Variants in SPOCK1 observed in about 807,000 individuals in gnomAD.
SPOCK1 encodes the protein SPARC (osteonectin), cwcv and kazal like domains proteoglycan 1.
A neutral mutation model predicts 55.3 loss-of-function variants in SPOCK1; 23 were observed. That is an observed-to-expected ratio of 0.42 (90% CI 0.30 to 0.59). The LOEUF is 0.59. SPOCK1 is among the 20% of genes least tolerant of loss of function. The pLI, the probability that SPOCK1 is intolerant of heterozygous loss-of-function variation, is 0.22. For synonymous variants in SPOCK1, 226 were observed against 221.0 expected, an observed-to-expected ratio of 1.02 and a Z score of -0.20; for missense variants, 499 against 552.5, an observed-to-expected ratio of 0.90 and a Z score of 0.97.
chr5:137,497,395 A>C (rs1033972496), intron 2 of SPOCK1, among the ~76,000 whole-genome samples: 4 of 152,242 alleles, frequency 2.6e-5, no homozygotes, highest in Non-Finnish European at 5.9e-5. Flanking sequence ...TGCCTTGGGC[A>C]CTTTTACAAT....
At chr5:137,016,186 A>G (rs972809170) in intron 6 of SPOCK1, among the ~76,000 whole-genome samples, 1 of 152,188 alleles carries the variant, frequency 6.6e-6, no homozygotes, top group Admixed American at 6.5e-5. Context: ...CTACCTCTGG[A>G]CCTTTACAAA....
intron 3 of SPOCK1, among the ~76,000 whole-genome samples, chr5:137,235,412 G>T (rs1756159197): frequency 2.0e-5 from 3 of 152,184 alleles, no homozygotes; most frequent in Admixed American, 2.0e-4. Flanking sequence ...TAAAATAACT[G>T]CACGCAAAAC....
rs1030970329 is a variant in SPOCK1, at chr5:137,067,948, C to T, written c.475-119G>A. On this transcript the variant is annotated intron_variant, in intron 5 of 10. Transcript: ENST00000394945. ...AAGCAAAGACAAAGCAGGGAGAGGTCGACCTCAGGTAGAGGTCTCAATTAC... is the reference window on the plus strand; with the variant it reads ...AAGCAAAGACAAAGCAGGGAGAGGTTGACCTCAGGTAGAGGTCTCAATTAC... 1.2e-5 allele frequency: 9 copies of T among 742,910 alleles called. No individual in the cohort carries two copies. In the South Asian group the frequency reaches 1.3e-4, roughly 11 times the overall value. The allele number at this position is 742,910 out of a possible 1,614,324, so 46.0% of individuals were successfully genotyped here.
chr5:136,994,877 T>G (rs1186707711), intron 6 of SPOCK1, among the ~76,000 whole-genome samples: 2 of 151,922 alleles, frequency 1.3e-5, no homozygotes, highest in African/African-American at 4.8e-5. Flanking sequence ...TGGTGGTGCA[T>G]GCCTGTGATC....
At chr5:137,371,597 G>T (rs1001923967) in intron 2 of SPOCK1, among the ~76,000 whole-genome samples, 1 of 152,262 alleles carries the variant, frequency 6.6e-6, no homozygotes, top group Admixed American at 6.5e-5. Context: ...GAGCCAAGGG[G>T]ATGAGGATTA....
rs760774302 is a variant in SPOCK1, at chr5:137,067,761, G to A, written c.543C>T (p.Pro181=). 10 of 1,614,142 alleles carry A rather than the reference G, an allele frequency of 6.2e-6. No individual in the cohort carries two copies. The East Asian group carries it at 2.0e-4, about 32-fold the overall frequency. The stretch of plus-strand genomic sequence containing the variant: ...TTGGTGGCTCAGGCTCTGGGAGACA[G>A]GGACAGGGCCCATCACAGAGGGTGG... The part of the protein sequence containing the change: ...SLATLCDGPC[P]CLPEPEPPKH... The change falls in exon 6 of 11, where the codon CCC becomes CCT. Residue 181 remains proline, a synonymous_variant. Coordinates refer to ENST00000394945, the MANE Select transcript of SPOCK1 (RefSeq NM_004598.4).
chr5:137,273,464 T>G (rs1044814301), intron 2 of SPOCK1: 14 of 804,218 alleles, frequency 1.7e-5, no homozygotes, highest in Non-Finnish European at 2.1e-5. Flanking sequence ...ACATTTTTGA[T>G]AATTGCATCA....
At chr5:137,472,898 A>C (rs1018309768) in intron 2 of SPOCK1, among the ~76,000 whole-genome samples, 1 of 152,238 alleles carries the variant, frequency 6.6e-6, no homozygotes, top group African/African-American at 2.4e-5. Context: ...AATTAAAACT[A>C]CACTGTGATA....
intron 3 of SPOCK1, among the ~76,000 whole-genome samples, chr5:137,195,489 C>T (rs939198424): frequency 1.3e-5 from 2 of 152,234 alleles, no homozygotes; most frequent in African/African-American, 4.8e-5. Flanking sequence ...TTCTGAGTTC[C>T]AGCGCTGACA....
intron 2 of SPOCK1, among the ~76,000 whole-genome samples, chr5:137,351,408 A>G (rs1471731502): frequency 6.6e-6 from 1 of 152,232 alleles, no homozygotes; most frequent in East Asian, 1.9e-4. Flanking sequence ...CCTCTAAAGG[A>G]GATATTCTCA....
intron 2 of SPOCK1, among the ~76,000 whole-genome samples, chr5:137,270,864 T>C (rs533348883): frequency 6.6e-6 from 1 of 152,066 alleles, no homozygotes; most frequent in South Asian, 2.1e-4. Context: ...TAGCTAGGTG[T>C]GGTGGCACAT....
intron 2 of SPOCK1, among the ~76,000 whole-genome samples, chr5:137,414,998 A>G (rs908717801): frequency 1.3e-5 from 2 of 152,110 alleles, no homozygotes; most frequent in Admixed American, 6.6e-5. Context: ...TGAACATTCA[A>G]TTAGGACTAG....
At chr5:137,295,882 T>A (rs896062210) in intron 2 of SPOCK1, among the ~76,000 whole-genome samples, 6 of 152,212 alleles carry the variant, frequency 3.9e-5, no homozygotes, top group Non-Finnish European at 8.8e-5. Context: ...AACAACTCAG[T>A]AGGGGGTGGT....
intron 2 of SPOCK1, among the ~76,000 whole-genome samples, chr5:137,268,130 C>T (rs1055096078): frequency 6.6e-6 from 1 of 152,124 alleles, no homozygotes; most frequent in Non-Finnish European, 1.5e-5. Context: ...GACACGATCT[C>T]CTGTGAATTT....
intron 2 of SPOCK1, among the ~76,000 whole-genome samples, chr5:137,390,395 G>C (rs1409293964): frequency 6.6e-6 from 1 of 152,172 alleles, no homozygotes; most frequent in East Asian, 1.9e-4. Flanking sequence ...TTGCAAATTA[G>C]ATTAGCTTAA....
intron 2 of SPOCK1, among the ~76,000 whole-genome samples, chr5:137,289,071 T>A (rs561915183): frequency 6.6e-6 from 1 of 152,304 alleles, no homozygotes; most frequent in East Asian, 1.9e-4. Flanking sequence ...ATTGACTACG[T>A]AACCTTAGAA....
chr5:137,059,800 A>C (rs1416404804), intron 6 of SPOCK1, among the ~76,000 whole-genome samples: 1 of 152,242 alleles, frequency 6.6e-6, no homozygotes, highest in Non-Finnish European at 1.5e-5. Context: ...AAGGGACATG[A>C]ACATTTTTCA....
intron 2 of SPOCK1, among the ~76,000 whole-genome samples, chr5:137,483,888 G>A (rs150812529): frequency 1.0e-3 from 159 of 152,310 alleles, no homozygotes; most frequent in African/African-American, 3.3e-3. Flanking sequence ...TTTCTGTCTC[G>A]TTCATGATGC....
In SPOCK1 at chr5:137,380,517, T is replaced by C. The variant is rs1012340519; in HGVS notation, c.187-113462A>G. Among the ~76,000 whole-genome samples, 9 of 152,192 alleles carry C rather than the reference T, an allele frequency of 5.9e-5. No individual in the cohort carries two copies. In the East Asian group the frequency reaches 1.2e-3, roughly 20 times the overall value. On this transcript the variant is annotated intron_variant, in intron 2 of 10. Coordinates refer to ENST00000394945, the MANE Select transcript of SPOCK1 (RefSeq NM_004598.4). Reference sequence around the variant, plus strand: ...TGATTTATGAAGACAAGAGGTTTAATTGACTGACAATTCCATGGGCTTAAC... The same window carrying C: ...TGATTTATGAAGACAAGAGGTTTAACTGACTGACAATTCCATGGGCTTAAC...
Sources: gnomAD v4.1 joint callset for allele counts (sites outside exome capture counted in the v4.1 genomes callset) on GRCh38, gnomAD v4.1.1 for gene constraint, MANE v1.5 for transcripts, NCBI Gene and HGNC (gene_info 2026-07-23, HGNC 2026-07-21) for gene names.